SLC8A3: variants seen among roughly 807,000 people sequenced by gnomAD.
The protein encoded by SLC8A3 is solute carrier family 8 member A3.
SLC8A3 carries 37 observed loss-of-function variants against 65.4 expected under a neutral mutation model. The ratio of observed to expected loss-of-function variants is 0.57; its 90% CI spans 0.44 to 0.74. The LOEUF (loss-of-function observed/expected upper bound fraction) is 0.74, where lower values mean the gene tolerates loss of function less well. SLC8A3 is among the 30% of genes least tolerant of loss of function. The pLI is 0.00. For synonymous variants in SLC8A3, 461 were observed against 444.5 expected (o/e 1.04, Z -0.47); for missense variants, 1,112 against 1,172.1 (o/e 0.95, Z 0.75).
intron 2 of SLC8A3, among the ~76,000 whole-genome samples, chr14:70,156,616 A>G (rs1896590296): frequency 1.3e-5 from 2 of 152,160 alleles, no homozygotes; most frequent in Admixed American, 6.5e-5. Flanking sequence ...ACACAACCAT[A>G]CACTGTGCCA....
chr14:70,082,518 G>A (rs1347000235), intron 2 of SLC8A3, among the ~76,000 whole-genome samples: 4 of 152,204 alleles, frequency 2.6e-5, no homozygotes, highest in African/African-American at 7.2e-5. Context: ...ATACAAGGCA[G>A]AGCTGAGATC....
In SLC8A3 at chr14:70,080,261, T is replaced by C. The variant is rs142144102; in HGVS notation, c.1785-19322A>G. On this transcript the variant is annotated intron_variant, in intron 2 of 6. Coordinates refer to ENST00000356921, the MANE Select transcript of SLC8A3 (RefSeq NM_182932.3). Reference sequence around the variant, plus strand: ...ATTTTTTTATACCACTGTGTTGCTATGGTGATGGTGGGGAGGGGAGGGGAA... The same window carrying C: ...ATTTTTTTATACCACTGTGTTGCTACGGTGATGGTGGGGAGGGGAGGGGAA... 7.0e-4 allele frequency: 688 copies of C among 984,698 alleles called. 5 individuals are homozygous for C. In the African/African-American group the frequency reaches 0.011, roughly 15 times the overall value. The allele number at this position is 984,698 out of a possible 1,614,324, so 61.0% of individuals were successfully genotyped here.
At chr14:70,103,736 G>A (rs1892682333) in intron 2 of SLC8A3, among the ~76,000 whole-genome samples, 2 of 151,910 alleles carry the variant, frequency 1.3e-5, no homozygotes, top group African/African-American at 4.8e-5. Context: ...AAGGAAATGA[G>A]GAACAACAAC....
intron 2 of SLC8A3, among the ~76,000 whole-genome samples, chr14:70,143,243 C>A (rs531541051): frequency 1.3e-5 from 2 of 152,324 alleles, no homozygotes; most frequent in South Asian, 2.1e-4. Flanking sequence ...TTATTATGAG[C>A]TGAGAGTATT....
intron 2 of SLC8A3, among the ~76,000 whole-genome samples, chr14:70,114,562 G>A (rs1288303935): frequency 1.3e-5 from 2 of 152,158 alleles, no homozygotes; most frequent in Non-Finnish European, 2.9e-5. Flanking sequence ...AATTGTTGGA[G>A]GTTGGTTTCA....
At chr14:70,048,438 C>A in intron 6 of SLC8A3, 1 of 592,428 alleles carries the variant, frequency 1.7e-6, no homozygotes, top group Non-Finnish European at 3.0e-6. Context: ...TGTAGCTTAA[C>A]CTCTGTGGGC....
intron 1 of SLC8A3, among the ~76,000 whole-genome samples, 177 bp from the exon 2 acceptor site, chr14:70,168,661 C>G (rs1897321774): frequency 6.6e-6 from 1 of 152,194 alleles, no homozygotes; most frequent in African/African-American, 2.4e-5. Context: ...GCTCTGTCCT[C>G]CAAACCATCT....
At chr14:70,072,361 C>G (rs1890084545) in intron 2 of SLC8A3, among the ~76,000 whole-genome samples, 1 of 152,164 alleles carries the variant, frequency 6.6e-6, no homozygotes, top group Non-Finnish European at 1.5e-5. Flanking sequence ...ATCACTCACT[C>G]TGTTTCCCAA....
intron 1 of SLC8A3, among the ~76,000 whole-genome samples, chr14:70,183,862 T>C (rs1882960397): frequency 2.6e-5 from 4 of 152,196 alleles, no homozygotes; most frequent in African/African-American, 4.8e-5. Flanking sequence ...CATCGGCTGA[T>C]AGAAAAGTGC....
chr14:70,078,521 C>T (rs991969868), intron 2 of SLC8A3, among the ~76,000 whole-genome samples: 10 of 152,140 alleles, frequency 6.6e-5, no homozygotes, highest in African/African-American at 2.4e-4. Flanking sequence ...GCTTTGGATC[C>T]ACAGAAATGC....
intron 1 of SLC8A3, among the ~76,000 whole-genome samples, chr14:70,179,318 T>G (rs1036797274): frequency 6.6e-6 from 1 of 152,250 alleles, no homozygotes; most frequent in African/African-American, 2.4e-5. Flanking sequence ...TGTTTTTGTT[T>G]GCTTTTTTAC....
At chr14:70,063,245 G>A (rs1220153696) in intron 2 of SLC8A3, among the ~76,000 whole-genome samples, 1 of 152,226 alleles carries the variant, frequency 6.6e-6, no homozygotes, top group African/African-American at 2.4e-5. Flanking sequence ...AAGGTCAGGA[G>A]GAGAAACAAG....
rs149163250 is a variant in SLC8A3 at position 70,167,168 on chromosome 14, C to T, written c.1255G>A (p.Val419Met). 558 of 1,614,174 alleles carry T rather than the reference C, an allele frequency of 3.5e-4. 7 individuals carry two copies. The South Asian group carries it at 5.7e-3, about 16-fold the overall frequency. Residue 419 changes from valine (V) to methionine (M), a missense_variant, in exon 2 of 7, where the codon GTG becomes ATG. Physicochemically the swap from Val to Met is conservative, Grantham distance 21 (BLOSUM62 1). Transcript: ENST00000356921. The stretch of plus-strand genomic sequence containing the variant: ...TTTGACATGTCTCCCCCTTTCCTCA[C>T]CACTGTCAGGAGTACAGCCCCACAG... ...ENCGAVLLTV[V>M]RKGGDMSKTM...
intron 2 of SLC8A3, among the ~76,000 whole-genome samples, chr14:70,143,819 A>AT (rs1323970008): frequency 6.6e-6 from 1 of 152,004 alleles, no homozygotes; most frequent in Non-Finnish European, 1.5e-5. Flanking sequence ...CAGCAGCTCT[A>AT]TTCCCCTCTA....
At position 70,174,650 on chromosome 14, in the gene SLC8A3, CGTTTTTTTTTT is replaced by C. The variant is rs1211099262; in HGVS notation, c.-62-6177_-62-6167del. ...ACCAAAAAGCCCCTTGGACCAAATCCGTTTTTTTTTTGTTTTTTTTTTTTTTTTTTTTTTTT... is the reference window on the plus strand; with the variant it reads ...ACCAAAAAGCCCCTTGGACCAAATCCGTTTTTTTTTTTTTTTTTTTTTTTT... On this transcript the variant is annotated intron_variant, in intron 1 of 6. Transcript: ENST00000356921. 1.3e-4 allele frequency among the ~76,000 whole-genome samples: 14 copies of C among 105,426 alleles called. 1 individual carries two copies. The highest frequency in any genetic ancestry group is 3.0e-4 in the African/African-American group (6 of 20,268). 69.2% of individuals were successfully genotyped at this position (105,426 alleles called of 152,430 possible).
intron 2 of SLC8A3, among the ~76,000 whole-genome samples, chr14:70,116,090 C>G (rs974188209): frequency 6.6e-6 from 1 of 152,104 alleles, no homozygotes; most frequent in African/African-American, 2.4e-5. Flanking sequence ...TTGGCACCCC[C>G]CTCCCCCACA....
chr14:70,091,027 A>T (rs890929162), intron 2 of SLC8A3, among the ~76,000 whole-genome samples: 3 of 152,206 alleles, frequency 2.0e-5, no homozygotes, highest in African/African-American at 7.2e-5. Flanking sequence ...AGAGCTAAAG[A>T]TCAATTATTG....
chr14:70,119,769 A>C (rs1057324909), intron 2 of SLC8A3, among the ~76,000 whole-genome samples: 10 of 152,230 alleles, frequency 6.6e-5, no homozygotes, highest in Non-Finnish European at 1.2e-4. Context: ...GAGGACAATA[A>C]CCTCATAGGA....
chr14:70,094,048 C>G (rs1452754954), intron 2 of SLC8A3, among the ~76,000 whole-genome samples: 3 of 152,194 alleles, frequency 2.0e-5, no homozygotes, highest in Non-Finnish European at 2.9e-5. Context: ...GAAAAGTGGC[C>G]AGGGGAGCCC....
Sources: allele counts gnomAD v4.1 joint callset (sites outside exome capture counted in the v4.1 genomes callset), GRCh38; gene constraint gnomAD v4.1.1; transcripts MANE v1.5; gene names NCBI Gene and HGNC (gene_info 2026-07-23, HGNC 2026-07-21).